GRIK5: variants seen among roughly 807,000 people sequenced by gnomAD.
GRIK5 encodes the protein glutamate receptor ionotropic, kainate 5.
Under a neutral mutation model 97.4 loss-of-function variants are expected in GRIK5, and 43 were observed. The observed-to-expected ratio is 0.44, with a 90% CI of 0.35 to 0.57. The LOEUF (loss-of-function observed/expected upper bound fraction) is 0.57, where lower values mean the gene tolerates loss of function less well. Ranked by LOEUF, GRIK5 falls within the 20% of genes least tolerant of loss-of-function variation. The pLI is 0.01. For synonymous variants in GRIK5, 580 were observed against 583.5 expected (o/e 0.99, Z 0.09); for missense variants, 1,015 against 1,382.0 (o/e 0.73, Z 4.21).
rs1555871770 is a variant in GRIK5, at chr19:42,003,946, C to A, written c.2264-263G>T. On this transcript the variant is annotated intron_variant, in intron 17 of 19. Coordinates refer to ENST00000593562, the MANE Select transcript of GRIK5 (RefSeq NM_002088.5). The surrounding 1 kb of genome is among the most constrained non-coding windows in gnomAD (Gnocchi z 4.2). ...TGTTGCAAGCTCCTCCCCTCGGCCA[C>A]TCTCAGACACCCTCACCCCCACGGC... 6.6e-6 allele frequency among the ~76,000 whole-genome samples: 1 copy of A among 152,300 alleles called. No individual in the cohort carries two copies. Among genetic ancestry groups the A allele is most frequent in the Non-Finnish European group, 1.5e-5 (1 of 68,030 alleles).
chr19:42,025,536 T>C (rs1348100175), intron 12 of GRIK5, among the ~76,000 whole-genome samples: 1 of 152,076 alleles, frequency 6.6e-6, no homozygotes, highest in Non-Finnish European at 1.5e-5. Flanking sequence ...TCCCTGACAC[T>C]GCTCCACATC....
chr19:42,033,170 T>C (rs985665907), intron 12 of GRIK5, among the ~76,000 whole-genome samples: 5 of 151,404 alleles, frequency 3.3e-5, no homozygotes, highest in South Asian at 2.1e-4. Flanking sequence ...ATACAAAAAT[T>C]AGCCGGGTGT....
At position 42,069,825 on chromosome 19, in the gene GRIK5, C is replaced by G. The variant is rs2076399253; in HGVS notation, c.-635G>C. On this transcript the variant is annotated 5_prime_UTR_variant, in exon 1 of 20. Coordinates refer to ENST00000593562, the MANE Select transcript of GRIK5 (RefSeq NM_002088.5). ...GCCCGGAGTCCTCAAGCCCTCAGCC[C>G]CCACGGGAAAAGCATGCTGGGGGCG... is the stretch of plus-strand genomic sequence containing the variant. 6.6e-6 allele frequency among the ~76,000 whole-genome samples: 1 copy of G among 151,930 alleles called. No individual in the cohort carries two copies. The highest frequency in any genetic ancestry group is 1.5e-5 in the Non-Finnish European group (1 of 67,922).
chr19:42,053,773 C>T (rs535693810), intron 10 of GRIK5, 52 bp downstream of exon 10: 50 of 1,546,580 alleles, frequency 3.2e-5, no homozygotes, highest in South Asian at 1.4e-4. Flanking sequence ...CCTCTGGGCC[C>T]GCCCCCACCC....
intron 15 of GRIK5, among the ~76,000 whole-genome samples, chr19:42,012,741 C>T (rs760643169): frequency 6.6e-6 from 1 of 151,738 alleles, no homozygotes; most frequent in Non-Finnish European, 1.5e-5. Context: ...GTGGCACGTG[C>T]CTGTGGTTCC....
chr19:42,032,146 T>C (rs1184508254), intron 12 of GRIK5, among the ~76,000 whole-genome samples: 1 of 152,172 alleles, frequency 6.6e-6, no homozygotes, highest in Non-Finnish European at 1.5e-5. Context: ...TTAATGATTA[T>C]TTATAAGAGC....
chr19:42,055,989 CTT>C (rs990570971), intron 8 of GRIK5, among the ~76,000 whole-genome samples: 3 of 130,260 alleles, frequency 2.3e-5, no homozygotes, highest in East Asian at 2.4e-4. Context: ...GGCCAATTTA[CTT>C]TTTTTTTTTT....
intron 12 of GRIK5, among the ~76,000 whole-genome samples, chr19:42,024,291 C>A (rs1327747064): frequency 6.6e-6 from 1 of 151,496 alleles, no homozygotes; most frequent in Non-Finnish European, 1.5e-5. Context: ...CAGGTCACTG[C>A]AACTTCTGCC....
intron 19 of GRIK5, among the ~76,000 whole-genome samples, chr19:42,000,691 C>T (rs1166333846): frequency 6.6e-6 from 1 of 152,200 alleles, no homozygotes; most frequent in East Asian, 1.9e-4. Flanking sequence ...GTAATCCCCT[C>T]TGACACTGTG....
intron 12 of GRIK5, among the ~76,000 whole-genome samples, chr19:42,024,839 C>T (rs2075750001): frequency 6.6e-6 from 1 of 152,198 alleles, no homozygotes; most frequent in Non-Finnish European, 1.5e-5. Flanking sequence ...CTCCTCACAC[C>T]TTCACTCCTC....
chr19:42,056,236 G>A (rs2076182465), intron 8 of GRIK5, among the ~76,000 whole-genome samples: 2 of 150,258 alleles, frequency 1.3e-5, no homozygotes, highest in Admixed American at 6.6e-5. Context: ...CACCTGCCTC[G>A]GCCTCCCAAA....
chr19:42,061,064 T>C (rs1041547109), intron 5 of GRIK5, among the ~76,000 whole-genome samples: 1 of 152,234 alleles, frequency 6.6e-6, no homozygotes, highest in Non-Finnish European at 1.5e-5. Flanking sequence ...ATTTATTTTT[T>C]TGAGACGGAG....
At chr19:42,001,905 A>G in intron 19 of GRIK5, 1 of 564,020 alleles carries the variant, frequency 1.8e-6, no homozygotes, top group Non-Finnish European at 3.1e-6. Flanking sequence ...GTAGTGGAGA[A>G]AGACCGAGAA....
chr19:42,066,428 C>A (rs1337350271), intron 1 of GRIK5, among the ~76,000 whole-genome samples: 1 of 147,258 alleles, frequency 6.8e-6, no homozygotes, highest in African/African-American at 2.5e-5. Context: ...GAGAGAGGCA[C>A]ACACAGAACC....
chr19:42,048,057 C>G (rs1698842104), intron 11 of GRIK5, among the ~76,000 whole-genome samples: 1 of 151,458 alleles, frequency 6.6e-6, no homozygotes, highest in Admixed American at 6.6e-5. Context: ...AGGAGGATGG[C>G]AGACCCAAAT....
In GRIK5 at chr19:41,999,817, G is replaced by A. The variant is rs899038685; in HGVS notation, c.2515-518C>T. Among the ~76,000 whole-genome samples the A allele has an allele frequency of 2.0e-5, 3 of 152,240 alleles. No homozygotes were observed. Among genetic ancestry groups the A allele is most frequent in the African/African-American group, 7.2e-5 (3 of 41,468 alleles). ...GACATGTATGTAGTGTGTTAGGCGT[G>A]GTGAGTGCTTTGGAAAGAAAGAAAA... On this transcript the variant is annotated intron_variant, in intron 19 of 19. Transcript: ENST00000593562. The surrounding 1 kb of genome is among the most constrained non-coding windows in gnomAD (Gnocchi z 5.0).
intron 6 of GRIK5, among the ~76,000 whole-genome samples, chr19:42,058,854 A>G (rs1292835079): frequency 6.6e-6 from 1 of 151,976 alleles, no homozygotes; most frequent in East Asian, 1.9e-4. Context: ...AAAAGAAAAA[A>G]AATACATGCA....
chr19:42,035,009 G>A (rs1439551880), intron 12 of GRIK5, among the ~76,000 whole-genome samples: 2 of 152,060 alleles, frequency 1.3e-5, no homozygotes, highest in Non-Finnish European at 2.9e-5. Context: ...TTTTCGTTTC[G>A]CTCTTGTTGC....
Position 42,065,605 on chromosome 19 carries a change from C to T in GRIK5, c.79+87G>A. On this transcript the variant is annotated intron_variant, in intron 2 of 19. Transcript: ENST00000593562. The surrounding 1 kb of genome is among the most constrained non-coding windows in gnomAD (Gnocchi z 5.8). ...TCCTTGCTGCTGAAGAGAGCTGAGA[C>T]CTGGACCCTGACGGACTGGCATGCC... The T allele has an allele frequency of 8.3e-7, 1 of 1,201,036 alleles. No individual in the cohort carries two copies. The highest frequency in any genetic ancestry group is 1.2e-6 in the Non-Finnish European group (1 of 839,564). The allele number at this position is 1,201,036 out of a possible 1,614,324, so 74.4% of individuals were successfully genotyped here. A position where few individuals can be genotyped will look rare whatever the true frequency, so the allele number is the denominator to read the frequency against.
Sources: allele counts gnomAD v4.1 joint callset (sites outside exome capture counted in the v4.1 genomes callset), GRCh38; gene constraint gnomAD v4.1.1; non-coding constraint Gnocchi (gnomAD v3.1); transcripts MANE v1.5; gene names NCBI Gene and HGNC (gene_info 2026-07-23, HGNC 2026-07-21).